The following ENTREP2 variants were observed in gnomAD, a reference collection of about 807,000 sequenced individuals.
The protein encoded by ENTREP2 is endosomal transmembrane epsin interactor 2, also known as protein ENTREP2.
chr15:29,147,824 G>T, the ENTREP2 span, among the ~76,000 whole-genome samples: 2 of 152,054 alleles, frequency 1.3e-5, no homozygotes, highest in African/African-American at 4.8e-5. Context: ...AACATATGTT[G>T]ACACAAAAAC....
chr15:29,589,289 C>T, the ENTREP2 span, among the ~76,000 whole-genome samples: 1 of 152,138 alleles, frequency 6.6e-6, no homozygotes, highest in African/African-American at 2.4e-5. Context: ...TTTTGTCTTT[C>T]CATAAAAAGG....
At chr15:29,600,902 C>CCTTTTTTTTTTTTTTTTT in the ENTREP2 span, among the ~76,000 whole-genome samples, 9 of 123,610 alleles carry the variant, frequency 7.3e-5, no homozygotes, top group African/African-American at 2.9e-4. Flanking sequence ...ATTTTTCTTT[C>CCTTTTTTTTTTTTTTTTT]TTTTTTTTTT....
the ENTREP2 span, among the ~76,000 whole-genome samples, chr15:29,168,727 TC>T: frequency 6.6e-6 from 1 of 152,218 alleles, no homozygotes; most frequent in African/African-American, 2.4e-5. Flanking sequence ...CTTTGGCCAC[TC>T]AGGCACCACC....
chr15:29,132,660 T>C, the ENTREP2 span, among the ~76,000 whole-genome samples: 1 of 152,224 alleles, frequency 6.6e-6, no homozygotes, highest in African/African-American at 2.4e-5. Flanking sequence ...GCCAGATCCC[T>C]TCCAATATAT....
the ENTREP2 span, among the ~76,000 whole-genome samples, chr15:29,216,151 T>A: frequency 6.6e-6 from 1 of 152,212 alleles, no homozygotes; most frequent in East Asian, 1.9e-4. Flanking sequence ...GTTCTTGTAA[T>A]GGTGGCTTGG....
chr15:29,140,696 G>T, the ENTREP2 span, among the ~76,000 whole-genome samples: 3 of 152,280 alleles, frequency 2.0e-5, no homozygotes, highest in South Asian at 6.2e-4. Context: ...AAAAGCCAGT[G>T]GGCAGCCACC....
At chr15:29,175,204 T>C in the ENTREP2 span, among the ~76,000 whole-genome samples, 1 of 152,278 alleles carries the variant, frequency 6.6e-6, no homozygotes, top group East Asian at 1.9e-4. Context: ...CTGCATGACC[T>C]TGGGGAGTTA....
the ENTREP2 span, among the ~76,000 whole-genome samples, chr15:29,654,422 A>G: frequency 6.6e-6 from 1 of 152,072 alleles, no homozygotes; most frequent in Admixed American, 6.5e-5. Flanking sequence ...TTGTATACTG[A>G]AAGTAGAACA....
chr15:29,620,690 C>T, the ENTREP2 span, among the ~76,000 whole-genome samples: 1 of 152,018 alleles, frequency 6.6e-6, no homozygotes, highest in Admixed American at 6.5e-5. Context: ...CTCTTTTCCA[C>T]ACTGACTGAT....
chr15:29,126,390 G>A, the ENTREP2 span: 7 of 1,547,306 alleles, frequency 4.5e-6, no homozygotes, highest in Non-Finnish European at 6.1e-6. Flanking sequence ...GGAAGGGCAG[G>A]TTCGGAGGGT....
the ENTREP2 span, among the ~76,000 whole-genome samples, chr15:29,223,474 C>T: frequency 6.6e-6 from 1 of 152,174 alleles, no homozygotes. Flanking sequence ...CCTGTTCCTT[C>T]GTAGACATGC....
chr15:29,497,018 C>A, the ENTREP2 span, among the ~76,000 whole-genome samples: 1 of 152,112 alleles, frequency 6.6e-6, no homozygotes, highest in Non-Finnish European at 1.5e-5. Context: ...GGAAGTAGGG[C>A]CTAATGGGAG....
At chr15:29,324,608 A>C in the ENTREP2 span, among the ~76,000 whole-genome samples, 11 of 152,232 alleles carry the variant, frequency 7.2e-5, no homozygotes, top group African/African-American at 2.4e-4. Context: ...TTGGAGTACC[A>C]ATATTAGTTT....
the ENTREP2 span, among the ~76,000 whole-genome samples, chr15:29,524,642 T>C: frequency 6.6e-6 from 1 of 152,212 alleles, no homozygotes; most frequent in Non-Finnish European, 1.5e-5. Context: ...GCAGGAACAA[T>C]GGCGAGCCTT....
chr15:29,156,826 G>C, the ENTREP2 span, among the ~76,000 whole-genome samples: 1 of 152,148 alleles, frequency 6.6e-6, no homozygotes, highest in Admixed American at 6.5e-5. Flanking sequence ...CAGTCTTAAC[G>C]AACACCTCAG....
the ENTREP2 span, among the ~76,000 whole-genome samples, chr15:29,162,896 C>T: frequency 2.0e-5 from 3 of 152,260 alleles, no homozygotes; most frequent in South Asian, 4.1e-4. Context: ...AGAGCCCTCA[C>T]GAAGTCCACT....
chr15:29,405,801 C>T, the ENTREP2 span, among the ~76,000 whole-genome samples: 11 of 152,344 alleles, frequency 7.2e-5, no homozygotes, highest in South Asian at 2.3e-3. Context: ...GGTTGGCCAG[C>T]GCCCACCTCC....
the ENTREP2 span, among the ~76,000 whole-genome samples, chr15:29,423,387 A>T: frequency 2.0e-5 from 3 of 152,230 alleles, no homozygotes; most frequent in South Asian, 6.2e-4. Context: ...AAATTTAGTT[A>T]ACATGAAAAA....
the ENTREP2 span, among the ~76,000 whole-genome samples, chr15:29,551,530 TC>T: frequency 9.2e-5 from 14 of 152,278 alleles, no homozygotes; most frequent in Admixed American, 9.2e-4. Flanking sequence ...AAAGGGAGCC[TC>T]TGCTCAAAAC....
Sources: allele counts gnomAD v4.1 joint callset (sites outside exome capture counted in the v4.1 genomes callset), GRCh38; gene constraint gnomAD v4.1.1; transcripts MANE v1.5; gene names NCBI Gene and HGNC (gene_info 2026-07-23, HGNC 2026-07-21).